The following MEGF9 variants were observed in gnomAD, a reference collection of about 807,000 sequenced individuals.
MEGF9 encodes multiple EGF like domains 9, also known as multiple epidermal growth factor-like domains protein 9.
MEGF9 carries 6 observed loss-of-function variants against 46.8 expected under a neutral mutation model. The observed-to-expected ratio is 0.13, with a 90% CI of 0.07 to 0.25. The LOEUF is 0.25. MEGF9 is among the 10% of genes least tolerant of loss of function. MEGF9 has a pLI of 1.00. For missense variants in MEGF9, 683 were observed against 792.4 expected (o/e 0.86, Z 1.66); for synonymous variants, 302 against 330.7 (o/e 0.91, Z 0.94).
At chr9:120,624,798 A>G (rs73550162) in intron 2 of MEGF9, among the ~76,000 whole-genome samples, 8,570 of 151,250 alleles carry the variant, frequency 0.057, 809 homozygotes, top group African/African-American at 0.2. Context: ...GCTTGAACCC[A>G]GAAGACGGAG....
At chr9:120,700,684 G>C (rs930166039) in intron 1 of MEGF9, among the ~76,000 whole-genome samples, 1 of 152,010 alleles carries the variant, frequency 6.6e-6, no homozygotes, top group Non-Finnish European at 1.5e-5. Flanking sequence ...ATGATTAATA[G>C]GACTTAAGAG....
At chr9:120,709,272 C>T (rs898237136) in intron 1 of MEGF9, among the ~76,000 whole-genome samples, 1 of 151,928 alleles carries the variant, frequency 6.6e-6, no homozygotes, top group Non-Finnish European at 1.5e-5. Flanking sequence ...CAAAAAGTAG[C>T]AGGGTGTGGT....
intron 1 of MEGF9, among the ~76,000 whole-genome samples, chr9:120,665,689 T>C (rs1168091478): frequency 6.6e-6 from 1 of 152,204 alleles, no homozygotes; most frequent in Non-Finnish European, 1.5e-5. Flanking sequence ...TCTAAAGCAG[T>C]TCCCCTGTGT....
At chr9:120,619,812 A>G (rs2043490163) in intron 3 of MEGF9, among the ~76,000 whole-genome samples, 1 of 152,216 alleles carries the variant, frequency 6.6e-6, no homozygotes, top group Non-Finnish European at 1.5e-5. Flanking sequence ...ATGTTTATCC[A>G]AATATATCTT....
chr9:120,689,925 C>T (rs746143749), intron 1 of MEGF9: 2 of 530,562 alleles, frequency 3.8e-6, no homozygotes, highest in African/African-American at 3.9e-5. Flanking sequence ...AATTTTTCTA[C>T]CCGTTTTAAC....
At chr9:120,695,314 G>A (rs1226549983) in intron 1 of MEGF9, among the ~76,000 whole-genome samples, 1 of 151,984 alleles carries the variant, frequency 6.6e-6, no homozygotes, top group Non-Finnish European at 1.5e-5. Flanking sequence ...TAAAAAGCAA[G>A]TAATCAAAAG....
intron 1 of MEGF9, among the ~76,000 whole-genome samples, chr9:120,697,420 AT>A (rs58868038): frequency 0.023 from 3,265 of 139,692 alleles, 68 homozygotes; most frequent in African/African-American, 0.062. Flanking sequence ...GTCATCTGCT[AT>A]TTTTTTTTTT....
chr9:120,668,210 T>A (rs1459941115), intron 1 of MEGF9, among the ~76,000 whole-genome samples: 1 of 152,166 alleles, frequency 6.6e-6, no homozygotes, highest in Non-Finnish European at 1.5e-5. Flanking sequence ...ACACAAGAGT[T>A]TTTGTTTTGA....
chr9:120,613,373 C>T (rs1296374252), intron 3 of MEGF9, among the ~76,000 whole-genome samples: 2 of 151,444 alleles, frequency 1.3e-5, no homozygotes, highest in African/African-American at 2.4e-5. Flanking sequence ...TAAAACAGGA[C>T]TACGGAGGAA....
At chr9:120,649,255 T>C (rs763027093) in intron 2 of MEGF9, among the ~76,000 whole-genome samples, 5 of 152,244 alleles carry the variant, frequency 3.3e-5, no homozygotes, top group Non-Finnish European at 7.3e-5. Flanking sequence ...GAAAGCTGAC[T>C]GTAAATTTTA....
intron 2 of MEGF9, among the ~76,000 whole-genome samples, chr9:120,652,150 A>G (rs2043652994): frequency 3.1e-5 from 1 of 32,562 alleles, no homozygotes; most frequent in Non-Finnish European, 8.1e-5. Context: ...AAGCACACAC[A>G]CACACACACA....
chr9:120,627,661 T>C (rs2043531172), intron 2 of MEGF9, among the ~76,000 whole-genome samples: 1 of 152,146 alleles, frequency 6.6e-6, no homozygotes, highest in South Asian at 2.1e-4. Flanking sequence ...CAGAGTTTCG[T>C]CATGTTGGCC....
chr9:120,676,020 T>C (rs1394135178), intron 1 of MEGF9, among the ~76,000 whole-genome samples: 1 of 152,196 alleles, frequency 6.6e-6, no homozygotes, highest in Non-Finnish European at 1.5e-5. Flanking sequence ...TCATAGTTAC[T>C]AATGTTTCCA....
chr9:120,610,070 A>G (rs1298108085), intron 4 of MEGF9, among the ~76,000 whole-genome samples: 1 of 152,106 alleles, frequency 6.6e-6, no homozygotes, highest in Non-Finnish European at 1.5e-5. Flanking sequence ...AAGTTACTAA[A>G]CTCTGGGCCT....
rs534492911 is a variant in MEGF9, at chr9:120,671,142, T to C, written c.602-11567A>G. On this transcript the variant is annotated intron_variant, in intron 1 of 5. Coordinates refer to ENST00000373930, the MANE Select transcript of MEGF9 (RefSeq NM_001080497.3). ...ATACCCCTTCCTCTTTGAAACTCTT[T>C]CTTTGGTCTCCACGTCATTGGATAA... 3.5e-4 allele frequency among the ~76,000 whole-genome samples: 53 copies of C among 152,336 alleles called. 1 individual carries two copies. In the South Asian group the frequency reaches 0.011, roughly 30 times the overall value.
chr9:120,643,805 C>T (rs1438657191), intron 2 of MEGF9, among the ~76,000 whole-genome samples: 1 of 151,898 alleles, frequency 6.6e-6, no homozygotes, highest in East Asian at 1.9e-4. Context: ...CGCGATCCTC[C>T]TACTTCAGCC....
At chr9:120,666,305 A>G (rs2043724811) in intron 1 of MEGF9, among the ~76,000 whole-genome samples, 1 of 152,182 alleles carries the variant, frequency 6.6e-6, no homozygotes, top group East Asian at 1.9e-4. Context: ...TCCAAAAGAT[A>G]TATCATAGTT....
At chr9:120,707,017 A>G (rs1039486998) in intron 1 of MEGF9, among the ~76,000 whole-genome samples, 2 of 152,166 alleles carry the variant, frequency 1.3e-5, no homozygotes, top group Admixed American at 1.3e-4. Context: ...TTAAATGCCA[A>G]TAATATGGAT....
chr9:120,666,569 C>G lies in MEGF9; in HGVS notation c.602-6994G>C, dbSNP rs988569285. Among the ~76,000 whole-genome samples, 3 of 152,180 alleles carry G rather than the reference C, an allele frequency of 2.0e-5. No homozygotes were observed. The South Asian group carries it at 6.2e-4, about 31-fold the overall frequency. On this transcript the variant is annotated intron_variant, in intron 1 of 5. Transcript: ENST00000373930. ...TGTTAAGTACAAAATAGTAGAGACA[C>G]TTTGGAAAACAGTTTGACAGTTTCT...
Sources: gnomAD v4.1 joint callset for allele counts (sites outside exome capture counted in the v4.1 genomes callset) on GRCh38, gnomAD v4.1.1 for gene constraint, MANE v1.5 for transcripts, NCBI Gene and HGNC (gene_info 2026-07-23, HGNC 2026-07-21) for gene names.